The following QTMAN variants were observed in gnomAD, a reference collection of about 807,000 sequenced individuals.
QTMAN encodes queuosine-tRNA mannosyltransferase.
the QTMAN span, among the ~76,000 whole-genome samples, chr2:144,043,548 C>G: frequency 6.6e-6 from 1 of 151,694 alleles, no homozygotes; most frequent in East Asian, 1.9e-4. Context: ...GCAGAGAATT[C>G]CTTGAACCCG....
chr2:144,112,410 T>C, the QTMAN span, among the ~76,000 whole-genome samples: 1 of 152,206 alleles, frequency 6.6e-6, no homozygotes, highest in Admixed American at 6.5e-5. Flanking sequence ...AGTAATTAGT[T>C]CCCTGGCTTT....
At chr2:144,007,587 A>G in the QTMAN span, 4 of 1,270,880 alleles carry the variant, frequency 3.1e-6, no homozygotes, top group Non-Finnish European at 4.3e-6. Flanking sequence ...AATATGTAAA[A>G]TTTGTCCTTT....
chr2:143,969,303 T>G, the QTMAN span, among the ~76,000 whole-genome samples: 2 of 152,214 alleles, frequency 1.3e-5, no homozygotes. Context: ...AATTATATTA[T>G]CTTGTGTTTC....
the QTMAN span, chr2:143,942,868 T>C: frequency 6.3e-6 from 1 of 159,082 alleles, no homozygotes; most frequent in African/African-American, 2.4e-5. Flanking sequence ...AACCAAGAAA[T>C]GTTAAGGATA....
the QTMAN span, among the ~76,000 whole-genome samples, chr2:144,186,527 G>A: frequency 9.2e-5 from 14 of 152,080 alleles, no homozygotes; most frequent in East Asian, 3.9e-4. Flanking sequence ...TTTTATTTTC[G>A]TTTTGTTTTG....
the QTMAN span, among the ~76,000 whole-genome samples, chr2:144,219,904 T>G: frequency 1.3e-5 from 2 of 152,226 alleles, no homozygotes; most frequent in Non-Finnish European, 2.9e-5. Flanking sequence ...ACATTCTACA[T>G]GAATACAGAT....
At chr2:143,964,460 ATCT>A in the QTMAN span, among the ~76,000 whole-genome samples, 7 of 152,058 alleles carry the variant, frequency 4.6e-5, no homozygotes, top group Non-Finnish European at 8.8e-5. Flanking sequence ...GCCTGGCCTA[ATCT>A]TCTTATAATT....
At chr2:144,305,509 A>G in the QTMAN span, among the ~76,000 whole-genome samples, 1 of 152,152 alleles carries the variant, frequency 6.6e-6, no homozygotes, top group African/African-American at 2.4e-5. Flanking sequence ...GTAGCTTTGT[A>G]TTAAGTTTTG....
chr2:144,281,324 A>G, the QTMAN span, among the ~76,000 whole-genome samples: 1 of 149,792 alleles, frequency 6.7e-6, no homozygotes, highest in African/African-American at 2.5e-5. Context: ...ATTATATATC[A>G]TCAGAATTAG....
the QTMAN span, among the ~76,000 whole-genome samples, chr2:144,061,091 T>C: frequency 1.3e-5 from 2 of 152,188 alleles, no homozygotes; most frequent in Admixed American, 6.5e-5. Context: ...TAAATATTTG[T>C]AGTCTATGGC....
the QTMAN span, among the ~76,000 whole-genome samples, chr2:144,225,651 C>T: frequency 6.6e-6 from 1 of 152,142 alleles, no homozygotes; most frequent in Non-Finnish European, 1.5e-5. Context: ...AAACCTTTTG[C>T]CTTCATGACC....
the QTMAN span, among the ~76,000 whole-genome samples, chr2:144,045,170 C>T: frequency 1.3e-5 from 2 of 152,148 alleles, no homozygotes; most frequent in African/African-American, 2.4e-5. Flanking sequence ...GAAAAATGGA[C>T]TTATTTTATG....
chr2:144,251,793 G>T, the QTMAN span, among the ~76,000 whole-genome samples: 1 of 152,120 alleles, frequency 6.6e-6, no homozygotes, highest in African/African-American at 2.4e-5. Context: ...AAGAAGACAA[G>T]TCACAGACTG....
the QTMAN span, among the ~76,000 whole-genome samples, chr2:144,321,313 A>G: frequency 6.6e-6 from 1 of 152,186 alleles, no homozygotes; most frequent in African/African-American, 2.4e-5. Context: ...GTTGTGAGGG[A>G]AAAAGAAGAG....
At chr2:144,206,401 C>T in the QTMAN span, among the ~76,000 whole-genome samples, 1 of 152,180 alleles carries the variant, frequency 6.6e-6, no homozygotes, top group African/African-American at 2.4e-5. Context: ...GGATTGAATG[C>T]ACGCATTTGT....
chr2:144,248,954 C>A, the QTMAN span, among the ~76,000 whole-genome samples: 18 of 152,140 alleles, frequency 1.2e-4, no homozygotes, highest in Non-Finnish European at 2.1e-4. Flanking sequence ...GATTTCTTAA[C>A]AGATCCATGT....
the QTMAN span, among the ~76,000 whole-genome samples, chr2:144,055,546 G>A: frequency 3.3e-5 from 5 of 152,206 alleles, no homozygotes; most frequent in African/African-American, 9.6e-5. Context: ...ATTTGTGAAG[G>A]CATGAAGGTA....
the QTMAN span, among the ~76,000 whole-genome samples, chr2:143,989,720 G>A: frequency 6.6e-6 from 1 of 152,036 alleles, no homozygotes; most frequent in African/African-American, 2.4e-5. Flanking sequence ...TATTTTTCAA[G>A]AATTCTTGAG....
chr2:144,270,230 T>G, the QTMAN span, among the ~76,000 whole-genome samples: 1 of 152,182 alleles, frequency 6.6e-6, no homozygotes, highest in African/African-American at 2.4e-5. Flanking sequence ...GTTCAACCAC[T>G]GTGGAAGACA....
Sources: allele counts gnomAD v4.1 joint callset (sites outside exome capture counted in the v4.1 genomes callset), GRCh38; gene constraint gnomAD v4.1.1; transcripts MANE v1.5; gene names NCBI Gene and HGNC (gene_info 2026-07-23, HGNC 2026-07-21).